The following PCLO variants were observed in gnomAD, a reference collection of about 807,000 sequenced individuals.
PCLO encodes protein piccolo.
In PCLO, 82 loss-of-function variants were observed where a neutral mutation model predicts 427.5. The observed-to-expected ratio is 0.19, with a 90% CI of 0.16 to 0.23. PCLO has a LOEUF of 0.23. PCLO is among the 10% of genes least tolerant of loss of function. The pLI is 1.00. For synonymous variants in PCLO, 2,357 were observed against 2,155.4 expected (o/e 1.09, Z -2.59); for missense variants, 6,239 against 6,115.9 (o/e 1.02, Z -0.67).
rs1030446197 is a variant in PCLO at position 83,162,685 on chromosome 7, C to G, written c.-93G>C. On this transcript the variant is annotated 5_prime_UTR_variant, in exon 1 of 25. Transcript: ENST00000333891. ...CAGGGGAGCAGTCAGAGCCGGGGTCCGCCTCGGGGCGTGCAGGCAGCCGAG... is the reference window on the plus strand; with the variant it reads ...CAGGGGAGCAGTCAGAGCCGGGGTCGGCCTCGGGGCGTGCAGGCAGCCGAG... 7.0e-7 allele frequency: 1 copy of G among 1,421,540 alleles called. No individual in the cohort carries two copies. The highest frequency in any genetic ancestry group is 1.4e-5 in the African/African-American group (1 of 69,222). The allele number at this position is 1,421,540 out of a possible 1,614,324, so 88.1% of individuals were successfully genotyped here. A position where few individuals can be genotyped will look rare whatever the true frequency, so the allele number is the denominator to read the frequency against.
At chr7:82,949,411 A>C in intron 6 of PCLO, 65 bp downstream of exon 6, 1 of 1,295,028 alleles carries the variant, frequency 7.7e-7, no homozygotes, top group Non-Finnish European at 1.1e-6. Context: ...TCGCCTCCTA[A>C]AAGTCTGAAA....
chr7:82,762,108 C>G (rs1790443539), intron 22 of PCLO, among the ~76,000 whole-genome samples: 1 of 152,072 alleles, frequency 6.6e-6, no homozygotes, highest in African/African-American at 2.4e-5. Flanking sequence ...TTATTGGTTT[C>G]ATGCTTTTTC....
In PCLO at chr7:83,100,506, G is replaced by T. The variant is rs563843319; in HGVS notation, c.3300+33744C>A. On this transcript the variant is annotated intron_variant, in intron 3 of 24. Transcript: ENST00000333891. ...AGAATGAGATTGTGTCCTTTGCTGGGATATGGGTGGAGCTGGAGGCCATTA... is the reference window on the plus strand; with the variant it reads ...AGAATGAGATTGTGTCCTTTGCTGGTATATGGGTGGAGCTGGAGGCCATTA... Among the ~76,000 whole-genome samples, 25 of 152,242 alleles carry T rather than the reference G, an allele frequency of 1.6e-4. 1 individual carries two copies. The South Asian group carries it at 4.8e-3, about 29-fold the overall frequency.
At chr7:83,140,681 C>T (rs1171138802) in intron 2 of PCLO, among the ~76,000 whole-genome samples, 1 of 152,180 alleles carries the variant, frequency 6.6e-6, no homozygotes, top group African/African-American at 2.4e-5. Context: ...AGATGCATGC[C>T]ATTCTCCATA....
chr7:82,823,331 C>G (rs1481889294), intron 19 of PCLO, among the ~76,000 whole-genome samples: 3 of 152,110 alleles, frequency 2.0e-5, no homozygotes, highest in Non-Finnish European at 2.9e-5. Context: ...TTCTCATCTC[C>G]TAGAACACTT....
At chr7:82,845,056 C>T (rs1473138432) in intron 13 of PCLO, among the ~76,000 whole-genome samples, 2 of 151,930 alleles carry the variant, frequency 1.3e-5, no homozygotes, top group Non-Finnish European at 2.9e-5. Context: ...ATAATAACTA[C>T]TGAAATATTT....
Position 82,952,784 on chromosome 7 carries a change from A to T in PCLO, c.8169T>A (p.Leu2723=), listed in dbSNP as rs1292429773. Residue 2723 remains leucine (L), a synonymous_variant, in exon 5 of 25, where the codon CTT becomes CTA. Transcript: ENST00000333891. ...TACGCAAATCAATTACATCACCAAC[A>T]AGTTGCAATTTTCCATCTTCTTTAT... ...PQYKEDGKLQ[L]VGDVIDLRTV... 6.2e-7 allele frequency: 1 copy of T among 1,613,516 alleles called. No homozygotes were observed. Among genetic ancestry groups the T allele is most frequent in the African/African-American group, 1.3e-5 (1 of 74,908 alleles).
intron 3 of PCLO, among the ~76,000 whole-genome samples, chr7:83,118,530 C>T (rs1791190638): frequency 6.7e-6 from 1 of 149,974 alleles, no homozygotes; most frequent in Admixed American, 6.6e-5. Flanking sequence ...AGAATTTCTA[C>T]CCTTGGAAGA....
intron 3 of PCLO, among the ~76,000 whole-genome samples, chr7:83,062,998 AT>A (rs1789577545): frequency 6.6e-6 from 1 of 151,964 alleles, no homozygotes; most frequent in Non-Finnish European, 1.5e-5. Context: ...GGAGGCTTAT[AT>A]TTTCTTCATA....
At chr7:82,992,914 T>G (rs764224123) in intron 3 of PCLO, among the ~76,000 whole-genome samples, 3 of 152,226 alleles carry the variant, frequency 2.0e-5, no homozygotes, top group Admixed American at 6.6e-5. Flanking sequence ...TGGTAATCAA[T>G]GCATCCATAT....
intron 22 of PCLO, among the ~76,000 whole-genome samples, chr7:82,762,717 G>T (rs544702632): frequency 1.3e-5 from 2 of 152,044 alleles, no homozygotes; most frequent in African/African-American, 4.8e-5. Flanking sequence ...AAAAATAGAG[G>T]TACTGTTTTA....
At chr7:82,926,367 A>C (rs1778960017) in intron 6 of PCLO, among the ~76,000 whole-genome samples, 1 of 152,190 alleles carries the variant, frequency 6.6e-6, no homozygotes, top group South Asian at 2.1e-4. Flanking sequence ...CATTTGTGAA[A>C]ATAATTGAAA....
At chr7:82,873,818 T>G (rs1254880542) in intron 10 of PCLO, among the ~76,000 whole-genome samples, 1 of 137,334 alleles carries the variant, frequency 7.3e-6, no homozygotes, top group East Asian at 2.2e-4. Flanking sequence ...AGTTCTAGAT[T>G]GGGGGGGTGG....
Position 82,934,903 on chromosome 7 carries a change from A to G in PCLO, c.11112+14573T>C, listed in dbSNP as rs1220016642. ...AAATGGCTAATTGTTATTATAGTAT[A>G]CATTTCTTAATAACAAAAGCCATAA... On this transcript the variant is annotated intron_variant, in intron 6 of 24. Coordinates refer to ENST00000333891, the MANE Select transcript of PCLO (RefSeq NM_033026.6). Among the ~76,000 whole-genome samples, 3 of 151,612 alleles carry G rather than the reference A, an allele frequency of 2.0e-5. No homozygotes were observed. The Admixed American group carries it at 2.0e-4, about 10-fold the overall frequency.
intron 18 of PCLO, among the ~76,000 whole-genome samples, chr7:82,825,790 TATATAAA>T (rs538047442): frequency 3.5e-4 from 52 of 147,946 alleles, no homozygotes; most frequent in African/African-American, 1.1e-3. Flanking sequence ...ATATATACAA[TATATAAA>T]ATATATGTAT....
intron 9 of PCLO, among the ~76,000 whole-genome samples, chr7:82,888,745 T>C (rs1793686483): frequency 1.3e-5 from 2 of 152,182 alleles, no homozygotes; most frequent in Admixed American, 1.3e-4. Flanking sequence ...GTATATACTC[T>C]GGTCCCTTTT....
rs763214769 is a variant in PCLO, at chr7:82,908,942, C to A, written c.13372G>T (p.Gly4458Cys). 3.1e-6 allele frequency: 5 copies of A among 1,612,824 alleles called. No individual in the cohort carries two copies. The highest frequency in any genetic ancestry group is 4.2e-6 in the Non-Finnish European group (5 of 1,179,192). Residue 4458 changes from glycine (G) to cysteine (C), a missense_variant, in exon 8 of 25, where the codon GGT becomes TGT. By Grantham distance (159) the Gly-to-Cys change is radical. Transcript: ENST00000333891. ...CTTTCCGGCAGTTTTCGGTCCAGAC[C>A]ATGTCCATTTTCCAAACGAGACTCC... ...PRESRLENGH[G>C]LDRKLPERLV...
At chr7:82,847,067 C>T (rs1035261547) in intron 11 of PCLO, 72 bp downstream of exon 11, 4 of 757,912 alleles carry the variant, frequency 5.3e-6, no homozygotes, top group Admixed American at 4.8e-5. Context: ...AAAGGTTCCA[C>T]CTTAACAATT....
chr7:82,796,515 T>G (rs1001600232), intron 22 of PCLO, among the ~76,000 whole-genome samples: 3 of 152,066 alleles, frequency 2.0e-5, no homozygotes, highest in African/African-American at 7.2e-5. Context: ...CTTGTTCAAC[T>G]TTCAAAGCAG....
Sources: gnomAD v4.1 joint callset for allele counts (sites outside exome capture counted in the v4.1 genomes callset) on GRCh38, gnomAD v4.1.1 for gene constraint, MANE v1.5 for transcripts, NCBI Gene and HGNC (gene_info 2026-07-23, HGNC 2026-07-21) for gene names.